The following EPHA5 variants were observed in gnomAD, a reference collection of about 807,000 sequenced individuals.
EPHA5 encodes ephrin type-A receptor 5.
A neutral mutation model predicts 105.0 loss-of-function variants in EPHA5; 60 were observed. The ratio of observed to expected loss-of-function variants is 0.57; its 90% CI spans 0.46 to 0.71. EPHA5 has a LOEUF of 0.71. Among genes scored for constraint, EPHA5 ranks in the 30% least tolerant of loss-of-function variants. The pLI is 0.00. For missense variants in EPHA5, 1,218 were observed against 1,274.7 expected (o/e 0.96, Z 0.68); for synonymous variants, 513 against 449.1 (o/e 1.14, Z -1.80).
In EPHA5 at chr4:65,568,551, TA is replaced by T. The variant is rs140292519; in HGVS notation, c.910+33089del. ...TTAACAACAACGCATCCCTTTTTTT[TA>T]AACATGTAAGCTTCATCCTCTGATA... On this transcript the variant is annotated intron_variant, in intron 3 of 16. Coordinates refer to ENST00000613740, the MANE Select transcript of EPHA5 (RefSeq NM_001281766.3). Among the ~76,000 whole-genome samples the T allele has an allele frequency of 5.3e-3, 806 of 151,340 alleles. 4 individuals carry two copies. The highest frequency in any genetic ancestry group is 0.02 in the Middle Eastern group (5 of 246).
intron 4 of EPHA5, among the ~76,000 whole-genome samples, chr4:65,491,793 A>G (rs1039872388): frequency 1.3e-5 from 2 of 152,050 alleles, no homozygotes; most frequent in Non-Finnish European, 2.9e-5. Flanking sequence ...TCTTATTTGT[A>G]TATTATTTTA....
intron 8 of EPHA5, among the ~76,000 whole-genome samples, chr4:65,374,796 T>C (rs1297358379): frequency 6.6e-6 from 1 of 151,958 alleles, no homozygotes; most frequent in Non-Finnish European, 1.5e-5. Context: ...ACTGTAAATG[T>C]GTCTCTTCAC....
Position 65,333,617 on chromosome 4 carries a change from T to C in EPHA5, c.2790-1489A>G, listed in dbSNP as rs572870404. ...CAATCTCCTTTGCCTGCTAGTCTTTTTTTTTTTTTTTTTTTTCCTGACTTT... is the reference window on the plus strand; with the variant it reads ...CAATCTCCTTTGCCTGCTAGTCTTTCTTTTTTTTTTTTTTTTCCTGACTTT... On this transcript the variant is annotated intron_variant, in intron 15 of 16. Transcript: ENST00000613740. Among the ~76,000 whole-genome samples the C allele has an allele frequency of 5.4e-5, 8 of 147,332 alleles. No homozygotes were observed. The East Asian group carries it at 6.2e-4, about 11-fold the overall frequency.
intron 7 of EPHA5, among the ~76,000 whole-genome samples, chr4:65,409,196 G>A (rs1048289565): frequency 1.1e-5 from 1 of 89,336 alleles, no homozygotes; most frequent in South Asian, 5.8e-4. Context: ...GTTGTGGGGT[G>A]GGGGGAGGGG....
Position 65,323,516 on chromosome 4 carries a change from C to T in EPHA5, c.*598G>A, listed in dbSNP as rs888410164. 8.7e-6 allele frequency: 2 copies of T among 229,922 alleles called. No individual in the cohort carries two copies. The highest frequency in any genetic ancestry group is 8.6e-6 in the Non-Finnish European group (1 of 116,036). The allele number at this position is 229,922 out of a possible 1,614,324, so 14.2% of individuals were successfully genotyped here. A position where few individuals can be genotyped will look rare whatever the true frequency, so the allele number is the denominator to read the frequency against. Reference sequence around the variant, plus strand: ...CTTTATAACACAAAAAATAAATATACACCCTGTATTGTACTTTTTCTTGAT... The same window carrying T: ...CTTTATAACACAAAAAATAAATATATACCCTGTATTGTACTTTTTCTTGAT... On this transcript the variant is annotated 3_prime_UTR_variant, in exon 17 of 17. Coordinates refer to ENST00000613740, the MANE Select transcript of EPHA5 (RefSeq NM_001281766.3).
intron 3 of EPHA5, chr4:65,573,403 TC>T (rs1360760362): frequency 1.0e-6 from 1 of 993,978 alleles, no homozygotes; most frequent in African/African-American, 2.4e-5. Context: ...CGAGCCAGAC[TC>T]CGTCTCAAAA....
chr4:65,592,109 T>C (rs1225281049), intron 3 of EPHA5, among the ~76,000 whole-genome samples: 3 of 152,084 alleles, frequency 2.0e-5, no homozygotes, highest in Admixed American at 2.0e-4. Context: ...AGGCTTTCAG[T>C]ACCAACCATG....
At chr4:65,404,027 C>T (rs1722110242) in intron 8 of EPHA5, among the ~76,000 whole-genome samples, 1 of 151,876 alleles carries the variant, frequency 6.6e-6, no homozygotes, top group Non-Finnish European at 1.5e-5. Flanking sequence ...TTCCCAAATG[C>T]TAATTAAACT....
chr4:65,414,420 A>G lies in EPHA5; in HGVS notation c.1551T>C (p.Ile517=), dbSNP rs976793836. ...TAATAGTTGTCTCTTTAGATTTGAT[A>G]ATCGTGTAGCTGGTCTCTTGGTCCT... ...FEKDQETSYT[I]IKSKETTITA... is the part of the protein sequence containing the mutation. The change falls in exon 7 of 17, where the codon ATT becomes ATC. Residue 517 remains isoleucine, a synonymous_variant. Coordinates refer to ENST00000613740, the MANE Select transcript of EPHA5 (RefSeq NM_001281766.3). 1 of 1,613,838 alleles carries G rather than the reference A, an allele frequency of 6.2e-7. No homozygotes were observed. The highest frequency in any genetic ancestry group is 8.5e-7 in the Non-Finnish European group (1 of 1,179,874).
At chr4:65,481,299 G>T (rs1452431391) in intron 5 of EPHA5, among the ~76,000 whole-genome samples, 1 of 152,062 alleles carries the variant, frequency 6.6e-6, no homozygotes, top group Non-Finnish European at 1.5e-5. Flanking sequence ...CTTTTTCCAT[G>T]AATTCCTGAA....
chr4:65,466,377 T>C (rs960398195), intron 5 of EPHA5, among the ~76,000 whole-genome samples: 6 of 152,186 alleles, frequency 3.9e-5, no homozygotes, highest in African/African-American at 1.2e-4. Context: ...TGAGAAAGCA[T>C]TGGGAGACGA....
rs1719496319 is a variant in EPHA5, at chr4:65,319,822, A to ATTT, written c.*4291_*4292insAAA. On this transcript the variant is annotated 3_prime_UTR_variant, in exon 17 of 17. Transcript: ENST00000613740. ...TGGTAAAAATACTAACAAATGACTG[A>ATTT]GTCTAAGTATTCTCAGGCTCTTATA... 4.4e-6 allele frequency: 1 copy of ATTT among 229,190 alleles called. No homozygotes were observed. The highest frequency in any genetic ancestry group is 5.7e-5 in the Admixed American group (1 of 17,602). 14.2% of individuals were successfully genotyped at this position (229,190 alleles called of 1,614,324 possible). A position where few individuals can be genotyped will look rare whatever the true frequency, so the allele number is the denominator to read the frequency against.
At chr4:65,553,913 T>C (rs1738157289) in intron 3 of EPHA5, among the ~76,000 whole-genome samples, 1 of 152,084 alleles carries the variant, frequency 6.6e-6, no homozygotes, top group Non-Finnish European at 1.5e-5. Context: ...AAGTTTGATT[T>C]CATTTTTTAT....
chr4:65,545,588 C>G (rs1197615092), intron 3 of EPHA5, among the ~76,000 whole-genome samples: 4 of 151,814 alleles, frequency 2.6e-5, no homozygotes, highest in African/African-American at 9.7e-5. Flanking sequence ...TAATAGGACA[C>G]AGATGAAATA....
intron 16 of EPHA5, among the ~76,000 whole-genome samples, chr4:65,326,177 C>T (rs976075073): frequency 6.6e-6 from 1 of 150,410 alleles, no homozygotes; most frequent in Non-Finnish European, 1.5e-5. Context: ...TATCAATAAC[C>T]CTATGATACA....
chr4:65,545,129 G>T (rs1327518825), intron 3 of EPHA5, among the ~76,000 whole-genome samples: 3 of 151,840 alleles, frequency 2.0e-5, no homozygotes, highest in African/African-American at 7.3e-5. Context: ...ACAAATATAT[G>T]TAGTCTCATT....
At chr4:65,533,531 T>C (rs1223900877) in intron 3 of EPHA5, among the ~76,000 whole-genome samples, 3 of 152,192 alleles carry the variant, frequency 2.0e-5, no homozygotes, top group Admixed American at 6.5e-5. Context: ...ATGTAGTATC[T>C]TCTTTTATTA....
At chr4:65,582,362 T>C (rs1423476569) in intron 3 of EPHA5, among the ~76,000 whole-genome samples, 1 of 151,496 alleles carries the variant, frequency 6.6e-6, no homozygotes, top group Non-Finnish European at 1.5e-5. Flanking sequence ...AGGGAAACTG[T>C]GCATCAGATA....
chr4:65,477,226 A>T (rs1164650418), intron 5 of EPHA5, among the ~76,000 whole-genome samples: 1 of 152,172 alleles, frequency 6.6e-6, no homozygotes, highest in Admixed American at 6.5e-5. Flanking sequence ...GAATTTGAAA[A>T]CTGAGCTATC....
Sources: allele counts gnomAD v4.1 joint callset (sites outside exome capture counted in the v4.1 genomes callset), GRCh38; gene constraint gnomAD v4.1.1; transcripts MANE v1.5; gene names NCBI Gene and HGNC (gene_info 2026-07-23, HGNC 2026-07-21).